The following GRID2 variants were observed in gnomAD, a reference collection of about 807,000 sequenced individuals.
The protein encoded by GRID2 is glutamate receptor ionotropic, delta-2.
In GRID2, 33 loss-of-function variants were observed where a neutral mutation model predicts 114.8. The ratio of observed to expected loss-of-function variants is 0.29; its 90% CI spans 0.22 to 0.38. The LOEUF (loss-of-function observed/expected upper bound fraction) is 0.38. Among genes scored for constraint, GRID2 ranks in the 10% least tolerant of loss-of-function variants. The pLI, the probability that GRID2 is intolerant of heterozygous loss-of-function variation, is 1.00. For missense variants in GRID2, 1,184 were observed against 1,257.7 expected (o/e 0.94, Z 0.89); for synonymous variants, 505 against 449.9 (o/e 1.12, Z -1.55).
At chr4:92,832,672 G>A (rs570946756) in intron 2 of GRID2, among the ~76,000 whole-genome samples, 40 of 152,090 alleles carry the variant, frequency 2.6e-4, no homozygotes, top group Non-Finnish European at 5.1e-4. Context: ...GGGATCACAA[G>A]GGTGAAGCAC....
At chr4:93,123,725 G>C (rs1734002766) in intron 4 of GRID2, among the ~76,000 whole-genome samples, 1 of 152,138 alleles carries the variant, frequency 6.6e-6, no homozygotes, top group African/African-American at 2.4e-5. Flanking sequence ...GGCAATGTAT[G>C]AGTTACACAT....
At chr4:93,017,746 G>A (rs1316436056) in intron 2 of GRID2, among the ~76,000 whole-genome samples, 1 of 147,836 alleles carries the variant, frequency 6.8e-6, no homozygotes, top group Non-Finnish European at 1.5e-5. Flanking sequence ...AGTGAGCCAA[G>A]ATTGCACCAC....
chr4:93,101,013 A>G (rs980937698), intron 3 of GRID2, among the ~76,000 whole-genome samples: 1 of 152,032 alleles, frequency 6.6e-6, no homozygotes, highest in Non-Finnish European at 1.5e-5. Context: ...GGTATAGATA[A>G]TATACTCCAT....
intron 8 of GRID2, among the ~76,000 whole-genome samples, chr4:93,389,947 C>A (rs957274432): frequency 1.3e-5 from 2 of 152,140 alleles, no homozygotes; most frequent in Admixed American, 1.3e-4. Flanking sequence ...TGCCACCACA[C>A]CTGGCTGATT....
rs1412153850 is a variant in GRID2, at chr4:93,515,795, G to A, written c.2193+384G>A. Among the ~76,000 whole-genome samples the A allele has an allele frequency of 5.9e-5, 9 of 152,156 alleles. No homozygotes were observed. In the South Asian group the frequency reaches 1.2e-3, roughly 21 times the overall value. ...ATTTTCTACACTACACTTGTTTTTG[G>A]ATTAAACCGTCATCTTTAGTTGTGA... is the stretch of plus-strand genomic sequence containing the variant. On this transcript the variant is annotated intron_variant, in intron 13 of 15. Coordinates refer to ENST00000282020, the MANE Select transcript of GRID2 (RefSeq NM_001510.4).
chr4:93,431,564 T>G (rs750657662), intron 10 of GRID2, among the ~76,000 whole-genome samples: 20 of 152,168 alleles, frequency 1.3e-4, no homozygotes, highest in Non-Finnish European at 2.6e-4. Flanking sequence ...AAGCCAGAAC[T>G]CTTTTGGTAG....
chr4:92,398,457 C>T (rs1560606648), intron 1 of GRID2, among the ~76,000 whole-genome samples: 1 of 152,048 alleles, frequency 6.6e-6, no homozygotes, highest in African/African-American at 2.4e-5. Context: ...TACACCACCA[C>T]ACTGGGCTAG....
intron 12 of GRID2, among the ~76,000 whole-genome samples, chr4:93,507,467 T>C (rs985318324): frequency 6.6e-6 from 1 of 152,216 alleles, no homozygotes; most frequent in East Asian, 1.9e-4. Context: ...AATCCTGAAA[T>C]ATAATTTTCT....
intron 2 of GRID2, among the ~76,000 whole-genome samples, chr4:92,600,312 TGA>T (rs1424724109): frequency 1.3e-5 from 2 of 151,536 alleles, no homozygotes; most frequent in Non-Finnish European, 2.9e-5. Context: ...AGGGCTCAGG[TGA>T]GAGAGGGTAA....
At chr4:93,581,020 C>G (rs1293192409) in intron 13 of GRID2, among the ~76,000 whole-genome samples, 2 of 151,740 alleles carry the variant, frequency 1.3e-5, no homozygotes, top group Non-Finnish European at 2.9e-5. Context: ...TAGGTATACA[C>G]GTGCCATGGT....
intron 8 of GRID2, among the ~76,000 whole-genome samples, chr4:93,257,706 A>G (rs1403648619): frequency 3.3e-5 from 5 of 151,406 alleles, no homozygotes; most frequent in African/African-American, 1.2e-4. Context: ...TTTTGACAGC[A>G]TTTTATGAAT....
At chr4:93,670,236 G>A (rs1406797814) in intron 14 of GRID2, among the ~76,000 whole-genome samples, 2 of 152,122 alleles carry the variant, frequency 1.3e-5, no homozygotes, top group African/African-American at 2.4e-5. Context: ...ATCTGTTCAT[G>A]TCAAAGATCA....
At chr4:93,034,322 T>G (rs1724713806) in intron 2 of GRID2, among the ~76,000 whole-genome samples, 1 of 152,204 alleles carries the variant, frequency 6.6e-6, no homozygotes, top group Admixed American at 6.5e-5. Flanking sequence ...CATCTGTTGT[T>G]ACAGAGTTGT....
chr4:93,097,472 A>G (rs1731322848), intron 3 of GRID2, among the ~76,000 whole-genome samples: 1 of 152,002 alleles, frequency 6.6e-6, no homozygotes, highest in Admixed American at 6.6e-5. Flanking sequence ...GGCCACTGGG[A>G]ACCCAAATTT....
intron 8 of GRID2, among the ~76,000 whole-genome samples, chr4:93,283,809 T>G (rs918110247): frequency 2.0e-5 from 3 of 152,130 alleles, no homozygotes; most frequent in African/African-American, 7.2e-5. Flanking sequence ...TAGTGACCAC[T>G]GAACTTCACT....
chr4:93,275,631 A>G (rs985744059), intron 8 of GRID2, among the ~76,000 whole-genome samples: 1 of 151,616 alleles, frequency 6.6e-6, no homozygotes, highest in African/African-American at 2.4e-5. Context: ...TCTTATTATT[A>G]TTGCTGCTGC....
chr4:93,286,366 A>G (rs1753152703), intron 8 of GRID2, among the ~76,000 whole-genome samples: 1 of 152,080 alleles, frequency 6.6e-6, no homozygotes, highest in South Asian at 2.1e-4. Context: ...AGTATTATCA[A>G]TTTTATTTGT....
At chr4:93,594,693 A>G (rs1738853927) in intron 13 of GRID2, among the ~76,000 whole-genome samples, 1 of 152,148 alleles carries the variant, frequency 6.6e-6, no homozygotes, top group Non-Finnish European at 1.5e-5. Flanking sequence ...CTGCTGTGCT[A>G]GCAATCAATG....
At chr4:92,582,878 T>C (rs1254810532) in intron 1 of GRID2, among the ~76,000 whole-genome samples, 1 of 151,794 alleles carries the variant, frequency 6.6e-6, no homozygotes, top group African/African-American at 2.4e-5. Context: ...TTCCAACTAC[T>C]CAGGGAGCAG....
Sources: allele counts gnomAD v4.1 joint callset (sites outside exome capture counted in the v4.1 genomes callset), GRCh38; gene constraint gnomAD v4.1.1; transcripts MANE v1.5; gene names NCBI Gene and HGNC (gene_info 2026-07-23, HGNC 2026-07-21).